The following BACE2 variants were observed in gnomAD, a reference collection of about 807,000 sequenced individuals.
BACE2 encodes 56 kDa aspartic-like protease.
BACE2 carries 17 observed loss-of-function variants against 46.2 expected under a neutral mutation model. The ratio of observed to expected loss-of-function variants is 0.37; its 90% CI spans 0.25 to 0.55. The LOEUF (loss-of-function observed/expected upper bound fraction) is 0.55, where lower values mean the gene tolerates loss of function less well. Among genes scored for constraint, BACE2 ranks in the 20% least tolerant of loss-of-function variants. The pLI, the probability that BACE2 is intolerant of heterozygous loss-of-function variation, is 0.82. For synonymous variants in BACE2, 277 were observed against 295.9 expected (o/e 0.94, Z 0.66); for missense variants, 595 against 698.1 (o/e 0.85, Z 1.66).
intron 3 of BACE2, 86 bp downstream of exon 3, chr21:41,237,815 T>TG (rs1325755823): frequency 1.8e-6 from 2 of 1,135,530 alleles, no homozygotes; most frequent in Admixed American, 1.9e-5. Context: ...ACATGAGTCT[T>TG]GGGCTGTTCT....
At chr21:41,274,812 C>T (rs541774813) in intron 8 of BACE2, among the ~76,000 whole-genome samples, 2 of 152,148 alleles carry the variant, frequency 1.3e-5, no homozygotes, top group African/African-American at 2.4e-5. Flanking sequence ...GCCTGACCCC[C>T]GGAGGTCTCA....
intron 1 of BACE2, 92 bp from the exon 2 acceptor site, chr21:41,226,174 G>A (rs1986811632): frequency 9.8e-6 from 9 of 914,984 alleles, no homozygotes; most frequent in Non-Finnish European, 1.5e-5. Context: ...AATTATTCTT[G>A]CTACTTAGTT....
chr21:41,256,398 T>C (rs1568889420), intron 7 of BACE2, among the ~76,000 whole-genome samples: 2 of 152,256 alleles, frequency 1.3e-5, no homozygotes, highest in South Asian at 4.1e-4. Flanking sequence ...GCTTTATCCA[T>C]GTCCCTGCAA....
At chr21:41,224,977 G>A (rs958983881) in intron 1 of BACE2, among the ~76,000 whole-genome samples, 3 of 152,306 alleles carry the variant, frequency 2.0e-5, no homozygotes, top group Non-Finnish European at 2.9e-5. Context: ...GCTCACGCCT[G>A]TAATCCCAGC....
At chr21:41,228,979 T>A (rs188299531) in intron 2 of BACE2, among the ~76,000 whole-genome samples, 7 of 152,350 alleles carry the variant, frequency 4.6e-5, no homozygotes, top group African/African-American at 1.7e-4. Flanking sequence ...TTCACCCATG[T>A]TGATGCCCAG....
At chr21:41,233,530 G>A (rs1987025773) in intron 2 of BACE2, among the ~76,000 whole-genome samples, 1 of 152,248 alleles carries the variant, frequency 6.6e-6, no homozygotes, top group Non-Finnish European at 1.5e-5. Flanking sequence ...GAGAAGACAT[G>A]CTAAATAGAT....
intron 1 of BACE2, among the ~76,000 whole-genome samples, chr21:41,213,575 C>T (rs1986363668): frequency 6.6e-6 from 1 of 152,124 alleles, no homozygotes; most frequent in Admixed American, 6.5e-5. Flanking sequence ...GAGTTTGAGA[C>T]CAGCCTGAAC....
intron 8 of BACE2, among the ~76,000 whole-genome samples, chr21:41,260,900 A>T (rs1457368219): frequency 2.0e-5 from 3 of 151,802 alleles, no homozygotes; most frequent in Admixed American, 2.0e-4. Context: ...ATTTTTTTTT[A>T]TTTTTAAATT....
chr21:41,168,978 A>ACCCCCCCCCCCCCCCCCCCCC (rs1984488855), intron 1 of BACE2, among the ~76,000 whole-genome samples: 1 of 84,190 alleles, frequency 1.2e-5, no homozygotes, highest in Non-Finnish European at 2.4e-5. Flanking sequence ...TCGTGTTCAT[A>ACCCCCCCCCCCCCCCCCCCCC]CCCTCCCTCC....
intron 1 of BACE2, among the ~76,000 whole-genome samples, chr21:41,208,005 G>T (rs907070352): frequency 1.3e-5 from 2 of 152,212 alleles, no homozygotes; most frequent in Non-Finnish European, 2.9e-5. Context: ...GCCTATCACT[G>T]GCCAGACAGC....
chr21:41,240,207 A>C (rs1987247743), intron 3 of BACE2, among the ~76,000 whole-genome samples: 1 of 152,162 alleles, frequency 6.6e-6, no homozygotes, highest in Admixed American at 6.5e-5. Flanking sequence ...AGCGCTCTGC[A>C]GTGGTCAGGT....
intron 1 of BACE2, among the ~76,000 whole-genome samples, chr21:41,209,573 G>T (rs976624972): frequency 1.3e-5 from 2 of 152,200 alleles, no homozygotes; most frequent in Admixed American, 6.5e-5. Flanking sequence ...CCCTCTTTAA[G>T]TTCAAACACC....
At chr21:41,230,013 T>G (rs1986928455) in intron 2 of BACE2, 1 of 152,264 alleles carries the variant, frequency 6.6e-6, no homozygotes, top group African/African-American at 2.4e-5. Context: ...ATGGTTGGTT[T>G]CACCCCATTG....
Position 41,218,191 on chromosome 21 carries a change from G to C in BACE2, c.313-8075G>C, listed in dbSNP as rs555212155. ...ATAAACAATACAACTATAGAACTTT[G>C]TGGCTATGGAAAGAATTCTTCAGTA... On this transcript the variant is annotated intron_variant, in intron 1 of 8. Transcript: ENST00000330333. Among the ~76,000 whole-genome samples, 50 of 152,322 alleles carry C rather than the reference G, an allele frequency of 3.3e-4. 1 individual carries two copies. In the South Asian group the frequency reaches 9.9e-3, roughly 30 times the overall value.
chr21:41,273,668 G>A (rs1267603849), intron 8 of BACE2, among the ~76,000 whole-genome samples: 2 of 152,098 alleles, frequency 1.3e-5, no homozygotes, highest in Non-Finnish European at 2.9e-5. Flanking sequence ...AATCATCACA[G>A]GGTCCTGAGG....
chr21:41,272,484 T>C (rs929765682), intron 8 of BACE2, among the ~76,000 whole-genome samples: 3 of 152,052 alleles, frequency 2.0e-5, no homozygotes, highest in East Asian at 3.8e-4. Context: ...CTCTCTCTCT[T>C]TTTTTTCAGT....
intron 7 of BACE2, among the ~76,000 whole-genome samples, chr21:41,253,944 G>T (rs1987708301): frequency 6.6e-6 from 1 of 152,110 alleles, no homozygotes; most frequent in South Asian, 2.1e-4. Context: ...GGGGACTCCA[G>T]TAGGAAGCTG....
At chr21:41,190,972 C>T (rs1041293275) in intron 1 of BACE2, among the ~76,000 whole-genome samples, 1 of 152,106 alleles carries the variant, frequency 6.6e-6, no homozygotes, top group African/African-American at 2.4e-5. Context: ...TGGCAGTGTT[C>T]CTCCCTCTGG....
intron 1 of BACE2, among the ~76,000 whole-genome samples, chr21:41,222,681 C>T (rs1001270195): frequency 6.6e-6 from 1 of 152,180 alleles, no homozygotes; most frequent in Non-Finnish European, 1.5e-5. Flanking sequence ...GTGGTGGCTG[C>T]TGGTTGGAAG....
Sources: allele counts gnomAD v4.1 joint callset (sites outside exome capture counted in the v4.1 genomes callset), GRCh38; gene constraint gnomAD v4.1.1; transcripts MANE v1.5; gene names NCBI Gene and HGNC (gene_info 2026-07-23, HGNC 2026-07-21).